B3GALNT2: variants seen among roughly 807,000 people sequenced by gnomAD.
B3GALNT2 encodes beta-1,3-N-acetylgalactosaminyltransferase 2, also known as UDP-GalNAc:beta-1,3-N-acetylgalactosaminyltransferase 2.
In B3GALNT2, 53 loss-of-function variants were observed where a neutral mutation model predicts 61.1. The ratio of observed to expected loss-of-function variants is 0.87; its 90% confidence interval spans 0.70 to 1.09. B3GALNT2 has a LOEUF of 1.09. B3GALNT2 is among the 50% of genes least tolerant of loss of function. The pLI, the probability that B3GALNT2 is intolerant of heterozygous loss-of-function variation, is 0.00. For missense variants in B3GALNT2, 544 were observed against 623.0 expected, an observed-to-expected ratio of 0.87 and a Z score of 1.35; for synonymous variants, 223 against 237.4, an observed-to-expected ratio of 0.94 and a Z score of 0.56.
chr1:235,484,740 A>G, intron 3 of B3GALNT2: 1 of 721,616 alleles, frequency 1.4e-6, no homozygotes, highest in Non-Finnish European at 2.1e-6. Flanking sequence ...TAAGTTAATT[A>G]TCAGAACTGC....
chr1:235,463,563 T>C (rs1012762321), intron 7 of B3GALNT2: 4 of 145,632 alleles, frequency 2.7e-5, no homozygotes, highest in African/African-American at 5.3e-5. Context: ...CATTTCCTAA[T>C]TTCTTTTTTT....
chr1:235,461,363 T>TG, intron 7 of B3GALNT2, among the ~76,000 whole-genome samples: 1 of 152,306 alleles, frequency 6.6e-6, no homozygotes, highest in East Asian at 1.9e-4. Flanking sequence ...TCAGTAGGTC[T>TG]GGGGTGGAGC....
At chr1:235,496,547 CTTTTTT>C (rs1396277043) in intron 1 of B3GALNT2, among the ~76,000 whole-genome samples, 1 of 133,408 alleles carries the variant, frequency 7.5e-6, no homozygotes, top group South Asian at 2.4e-4. Flanking sequence ...GTACTTGTTT[CTTTTTT>C]TTTTTTTTTT....
chr1:235,441,568 C>G, the B3GALNT2 span: 1 of 529,776 alleles, frequency 1.9e-6, no homozygotes, highest in Non-Finnish European at 3.4e-6. Context: ...TTGAGTTTCA[C>G]TGGTCATTAA....
chr1:235,458,708 T>C lies in B3GALNT2; in HGVS notation c.920A>G (p.Asp307Gly). The change falls in exon 8 of 12, where the codon GAT (aspartate) becomes GGT (glycine). Residue 307 changes from aspartate to glycine, a missense_variant. Transcript: ENST00000366600. Reference protein sequence around the residue: ...IDHIRNLHEEDALLKEESSIY... With the variant: ...IDHIRNLHEEGALLKEESSIY... ...GCTGCTTTCCTCCTTCAGTAAGGCA[T>C]CTTCCTCATGGAGATTCCTTATATG... is the stretch of plus-strand genomic sequence containing the variant. 1 of 1,613,730 alleles carries C rather than the reference T, an allele frequency of 6.2e-7. No homozygotes were observed. Among genetic ancestry groups the C allele is most frequent in the Non-Finnish European group, 8.5e-7 (1 of 1,179,854 alleles).
At chr1:235,455,302 G>A (rs1683108923) in intron 9 of B3GALNT2, among the ~76,000 whole-genome samples, 1 of 152,070 alleles carries the variant, frequency 6.6e-6, no homozygotes, top group East Asian at 1.9e-4. Context: ...TAGGGACAGG[G>A]TCTTGCAACG....
chr1:235,456,790 G>A (rs556922553), intron 8 of B3GALNT2, among the ~76,000 whole-genome samples: 160 of 152,244 alleles, frequency 1.1e-3, no homozygotes, highest in African/African-American at 2.6e-3. Flanking sequence ...AAGAGTATCC[G>A]GGGCTGACTC....
chr1:235,497,110 C>T (rs1050309017), intron 1 of B3GALNT2, among the ~76,000 whole-genome samples: 4 of 152,156 alleles, frequency 2.6e-5, no homozygotes, highest in African/African-American at 9.7e-5. Context: ...TAGCTCAGAA[C>T]ATTTTTTCTC....
At chr1:235,465,019 T>C (rs1396498016) in intron 7 of B3GALNT2, 1 of 152,194 alleles carries the variant, frequency 6.6e-6, no homozygotes, top group Non-Finnish European at 1.5e-5. Flanking sequence ...AACCTGGCAG[T>C]GCCTCAAGTG....
chr1:235,491,634 C>T (rs544302521), intron 2 of B3GALNT2, among the ~76,000 whole-genome samples: 1 of 151,952 alleles, frequency 6.6e-6, no homozygotes, highest in Admixed American at 6.6e-5. Flanking sequence ...ATCTTCCTAG[C>T]CTCCTCCTCC....
At chr1:235,501,986 A>G (rs1292554449) in intron 1 of B3GALNT2, among the ~76,000 whole-genome samples, 1 of 152,154 alleles carries the variant, frequency 6.6e-6, no homozygotes, top group Non-Finnish European at 1.5e-5. Flanking sequence ...GGAAAAAAGG[A>G]AAGGTAGGAG....
intron 6 of B3GALNT2, 133 bp downstream of exon 6, chr1:235,470,717 T>C: frequency 7.6e-7 from 1 of 1,308,040 alleles, no homozygotes; most frequent in Non-Finnish European, 1.0e-6. Context: ...CAACATTTGC[T>C]ACTATATATG....
intron 7 of B3GALNT2, 104 bp downstream of exon 7, chr1:235,465,531 TA>T (rs1211393250): frequency 6.7e-7 from 1 of 1,492,862 alleles, no homozygotes; most frequent in Non-Finnish European, 9.0e-7. Flanking sequence ...TTTATCTGAA[TA>T]AAGTTTTTTA....
At chr1:235,495,550 A>T (rs369728) in intron 1 of B3GALNT2, among the ~76,000 whole-genome samples, 115,434 of 151,664 alleles carry the variant, frequency 0.76, 44,764 homozygotes, top group African/African-American at 0.92. Context: ...AAAAAAAAAA[A>T]AATAATAATA....
intron 5 of B3GALNT2, chr1:235,479,069 C>T (rs1324644269): frequency 6.6e-6 from 1 of 152,092 alleles, no homozygotes; most frequent in Admixed American, 6.6e-5. Flanking sequence ...AAAAGGAGAT[C>T]CCTTTGACAC....
chr1:235,496,851 G>T (rs1024500291), intron 1 of B3GALNT2, among the ~76,000 whole-genome samples: 1 of 152,086 alleles, frequency 6.6e-6, no homozygotes, highest in Non-Finnish European at 1.5e-5. Flanking sequence ...CCCAGTACTT[G>T]TTGAACAAAT....
At chr1:235,497,767 G>A (rs760478747) in intron 1 of B3GALNT2, among the ~76,000 whole-genome samples, 4 of 152,128 alleles carry the variant, frequency 2.6e-5, no homozygotes, top group Admixed American at 6.5e-5. Flanking sequence ...GGACCAGTAC[G>A]AGGGCATCCT....
At chr1:235,478,127 T>G (rs1399001546) in intron 5 of B3GALNT2, among the ~76,000 whole-genome samples, 1 of 152,186 alleles carries the variant, frequency 6.6e-6, no homozygotes, top group Non-Finnish European at 1.5e-5. Context: ...CAATCTTGGC[T>G]CACTGCAACC....
At chr1:235,503,916 G>A (rs1265736651) in intron 1 of B3GALNT2, among the ~76,000 whole-genome samples, 2 of 152,216 alleles carry the variant, frequency 1.3e-5, no homozygotes, top group African/African-American at 4.8e-5. Flanking sequence ...GGGCGTTAAG[G>A]GAAACGGGGA....
Sources: allele counts gnomAD v4.1 joint callset (sites outside exome capture counted in the v4.1 genomes callset), GRCh38; gene constraint gnomAD v4.1.1; transcripts MANE v1.5; gene names NCBI Gene and HGNC (gene_info 2026-07-23, HGNC 2026-07-21).